The following MTUS2 variants were observed in gnomAD, a reference collection of about 807,000 sequenced individuals.
MTUS2 encodes the protein microtubule-associated tumor suppressor candidate 2.
A neutral mutation model predicts 114.1 loss-of-function variants in MTUS2; 40 were observed. That is an observed-to-expected ratio of 0.35 (90% CI 0.27 to 0.46). The LOEUF is 0.46. MTUS2 is among the 20% of genes least tolerant of loss of function. The probability of loss-of-function intolerance (pLI) is 1.00; values close to 1 mark genes in which losing one functional copy is unlikely to be tolerated. For synonymous variants in MTUS2, 688 were observed against 672.0 expected (o/e 1.02, Z -0.37); for missense variants, 1,679 against 1,705.4 (o/e 0.98, Z 0.27).
At chr13:29,117,492 G>A (rs1374554265) in intron 5 of MTUS2, among the ~76,000 whole-genome samples, 3 of 152,134 alleles carry the variant, frequency 2.0e-5, no homozygotes, top group African/African-American at 7.2e-5. Flanking sequence ...GGTTTTCAGG[G>A]TTGAGTACTA....
chr13:29,236,146 A>AT (rs1215270115), intron 5 of MTUS2, among the ~76,000 whole-genome samples: 1 of 151,900 alleles, frequency 6.6e-6, no homozygotes, highest in Non-Finnish European at 1.5e-5. Context: ...ATTTATTGTT[A>AT]TTTTTTATCT....
chr13:29,048,223 C>CAA (rs1887726520), intron 4 of MTUS2, among the ~76,000 whole-genome samples: 2 of 152,084 alleles, frequency 1.3e-5, no homozygotes, highest in Admixed American at 1.3e-4. Context: ...TTATTTAGGT[C>CAA]CTTTTTATGT....
rs377218161 is a variant in MTUS2, at chr13:28,859,716, CTG to C, written c.-243+19870_-243+19871del. 7.0e-3 allele frequency among the ~76,000 whole-genome samples: 1,070 copies of C among 152,110 alleles called. 8 individuals carry two copies. Among genetic ancestry groups the C allele is most frequent in the African/African-American group, 0.024 (1,016 of 41,504 alleles). Reference sequence around the variant, plus strand: ...CATCCTGTGACTGATTTAAGAAAGGCTGTGTTTATTTAAGGAGCTGCACAGAG... The same window carrying C: ...CATCCTGTGACTGATTTAAGAAAGGCTGTTTATTTAAGGAGCTGCACAGAG... On this transcript the variant is annotated intron_variant, in intron 2 of 15. Transcript: ENST00000612955.
chr13:29,446,748 T>G (rs1878310572), intron 9 of MTUS2, among the ~76,000 whole-genome samples: 1 of 152,186 alleles, frequency 6.6e-6, no homozygotes, highest in African/African-American at 2.4e-5. Flanking sequence ...GGATTTCATC[T>G]TAGTGTTGCT....
chr13:29,225,261 C>T (rs1472112398), intron 5 of MTUS2, among the ~76,000 whole-genome samples: 1 of 152,184 alleles, frequency 6.6e-6, no homozygotes, highest in Admixed American at 6.5e-5. Context: ...GCAAGAGGAC[C>T]ATGGTTTCTT....
At chr13:28,822,151 G>A (rs1404790481) in intron 1 of MTUS2, among the ~76,000 whole-genome samples, 2 of 152,180 alleles carry the variant, frequency 1.3e-5, no homozygotes, top group Non-Finnish European at 1.5e-5. Context: ...TTTAAGGTCA[G>A]AAAGAAACCT....
intron 6 of MTUS2, among the ~76,000 whole-genome samples, chr13:29,318,257 G>GTT (rs34302306): frequency 7.2e-6 from 1 of 139,200 alleles, no homozygotes; most frequent in Admixed American, 7.1e-5. Flanking sequence ...AATGTTTTAG[G>GTT]TTTTTTTTTT....
intron 5 of MTUS2, among the ~76,000 whole-genome samples, chr13:29,183,167 G>T (rs922624059): frequency 1.5e-4 from 23 of 152,300 alleles, no homozygotes; most frequent in African/African-American, 5.5e-4. Flanking sequence ...CACGGAAGGT[G>T]CAGAGGAGAT....
At chr13:29,460,234 C>T (rs1879388649) in intron 9 of MTUS2, among the ~76,000 whole-genome samples, 1 of 152,158 alleles carries the variant, frequency 6.6e-6, no homozygotes, top group African/African-American at 2.4e-5. Flanking sequence ...GGTTATCAGG[C>T]TCCAAAACCA....
intron 6 of MTUS2, among the ~76,000 whole-genome samples, chr13:29,284,529 C>T (rs1898400595): frequency 6.6e-6 from 1 of 151,918 alleles, no homozygotes; most frequent in South Asian, 2.1e-4. Context: ...ACATTTTACA[C>T]AATTATACAT....
At position 29,318,391 on chromosome 13, in the gene MTUS2, C is replaced by CTT. The variant is rs71090240; in HGVS notation, c.2807-6212_2807-6211dup. On this transcript the variant is annotated intron_variant, in intron 6 of 15. Transcript: ENST00000612955. The stretch of plus-strand genomic sequence containing the variant: ...CTATTATCATTTGTTATTTCTTTTT[C>CTT]TTTTTTTTTTTGAGATGACAGCCTC... Among the ~76,000 whole-genome samples, 183 of 135,022 alleles carry CTT rather than the reference C, an allele frequency of 1.4e-3. 4 individuals carry two copies. The highest frequency in any genetic ancestry group is 5.8e-3 in the South Asian group (23 of 3,974). 88.6% of individuals were successfully genotyped at this position (135,022 alleles called of 152,430 possible). A position where few individuals can be genotyped will look rare whatever the true frequency, so the allele number is the denominator to read the frequency against.
intron 8 of MTUS2, among the ~76,000 whole-genome samples, chr13:29,426,989 G>C (rs1408726313): frequency 6.6e-6 from 1 of 152,090 alleles, no homozygotes; most frequent in African/African-American, 2.4e-5. Flanking sequence ...GCCCAGGTTT[G>C]AGCTCAAGGT....
intron 7 of MTUS2, among the ~76,000 whole-genome samples, chr13:29,358,275 G>T (rs957111842): frequency 6.6e-6 from 1 of 152,172 alleles, no homozygotes; most frequent in African/African-American, 2.4e-5. Flanking sequence ...ACGGGTCTTG[G>T]ACTGTGGTGG....
At chr13:29,055,145 A>G (rs1328222838) in intron 4 of MTUS2, among the ~76,000 whole-genome samples, 3 of 152,178 alleles carry the variant, frequency 2.0e-5, no homozygotes, top group Non-Finnish European at 4.4e-5. Context: ...AAATTTCTAG[A>G]TGGAAATTTG....
At chr13:29,497,390 C>T in intron 13 of MTUS2, 54 bp downstream of exon 13, 1 of 1,470,102 alleles carries the variant, frequency 6.8e-7, no homozygotes, top group Non-Finnish European at 9.4e-7. Flanking sequence ...CCCAGCAAGG[C>T]CGAGGGACTC....
chr13:28,957,869 T>G (rs1050454018), intron 2 of MTUS2, among the ~76,000 whole-genome samples: 2 of 152,238 alleles, frequency 1.3e-5, no homozygotes, highest in African/African-American at 4.8e-5. Context: ...TGCCAGGAAT[T>G]GGTTCTATTT....
At chr13:29,212,657 A>G (rs754469664) in intron 5 of MTUS2, among the ~76,000 whole-genome samples, 1 of 152,262 alleles carries the variant, frequency 6.6e-6, no homozygotes, top group Non-Finnish European at 1.5e-5. Flanking sequence ...TACATTTACC[A>G]GTTTATTATA....
chr13:28,840,188 T>A (rs1875378312), intron 2 of MTUS2, among the ~76,000 whole-genome samples: 2 of 152,174 alleles, frequency 1.3e-5, no homozygotes, highest in Non-Finnish European at 2.9e-5. Flanking sequence ...ATTGTTAGCA[T>A]GTGTTTAGTA....
chr13:29,458,445 G>T (rs74042097), intron 9 of MTUS2, among the ~76,000 whole-genome samples: 1 of 152,318 alleles, frequency 6.6e-6, no homozygotes, highest in South Asian at 2.1e-4. Context: ...TGAACCCAGA[G>T]AATTTATAAT....
Sources: allele counts gnomAD v4.1 joint callset (sites outside exome capture counted in the v4.1 genomes callset), GRCh38; gene constraint gnomAD v4.1.1; transcripts MANE v1.5; gene names NCBI Gene and HGNC (gene_info 2026-07-23, HGNC 2026-07-21).